The following CEMIP variants were observed in gnomAD, a reference collection of about 807,000 sequenced individuals.
CEMIP encodes cell migration-inducing and hyaluronan-binding protein.
In CEMIP, 105 loss-of-function variants were observed where a neutral mutation model predicts 156.9. The ratio of observed to expected loss-of-function variants is 0.67; its 90% CI spans 0.57 to 0.79. The LOEUF (loss-of-function observed/expected upper bound fraction) is 0.79, where lower values mean the gene tolerates loss of function less well. Ranked by LOEUF, CEMIP falls within the 30% of genes least tolerant of loss-of-function variation. The pLI is 0.00. For synonymous variants in CEMIP, 676 were observed against 668.4 expected (o/e 1.01, Z -0.17); for missense variants, 1,457 against 1,769.4 (o/e 0.82, Z 3.17).
intron 25 of CEMIP, among the ~76,000 whole-genome samples, chr15:80,940,166 T>C (rs1901285246): frequency 6.6e-6 from 1 of 152,228 alleles, no homozygotes; most frequent in Admixed American, 6.5e-5. Flanking sequence ...AGCCAGGATT[T>C]GAGCACTGGG....
chr15:80,900,255 T>A (rs1899419034), intron 12 of CEMIP, among the ~76,000 whole-genome samples: 1 of 152,304 alleles, frequency 6.6e-6, no homozygotes, highest in Non-Finnish European at 1.5e-5. Context: ...GCAGGAGAGC[T>A]GCTCTTCTTG....
chr15:80,930,522 G>T (rs554421808), intron 21 of CEMIP, among the ~76,000 whole-genome samples: 1 of 152,314 alleles, frequency 6.6e-6, no homozygotes, highest in African/African-American at 2.4e-5. Context: ...GGTCTGAAGT[G>T]CAAAACCTAA....
chr15:80,933,015 G>C (rs1193990626), intron 22 of CEMIP, among the ~76,000 whole-genome samples: 2 of 152,196 alleles, frequency 1.3e-5, no homozygotes, highest in Admixed American at 6.5e-5. Context: ...CCAGTGAGCA[G>C]AGGCCAAAAG....
At chr15:80,872,193 G>A (rs1420443366) in intron 1 of CEMIP, among the ~76,000 whole-genome samples, 1 of 152,224 alleles carries the variant, frequency 6.6e-6, no homozygotes, top group African/African-American at 2.4e-5. Context: ...AGGAGCCTGG[G>A]CCGGGTGAGA....
intron 1 of CEMIP, among the ~76,000 whole-genome samples, chr15:80,806,231 T>A (rs1318639381): frequency 6.6e-6 from 1 of 152,232 alleles, no homozygotes; most frequent in East Asian, 1.9e-4. Flanking sequence ...ACTTTCGAGG[T>A]GCCTAGGTAT....
chr15:80,873,609 T>G lies in CEMIP; in HGVS notation c.-104T>G. The G allele has an allele frequency of 2.1e-6, 1 of 477,930 alleles. No homozygotes were observed. The highest frequency in any genetic ancestry group is 3.9e-6 in the Non-Finnish European group (1 of 259,610). The allele number at this position is 477,930 out of a possible 1,614,324, so 29.6% of individuals were successfully genotyped here. On this transcript the variant is annotated 5_prime_UTR_variant, in exon 2 of 30. It removes the in-frame stop codon of an upstream open reading frame in the 5' UTR. Transcript: ENST00000394685. ...GAAATTCCACCCATCACTCGGTCTC[T>G]GAGCTGCAGGACACAGGCAGGACAA...
At chr15:80,935,585 G>A (rs964779271) in intron 23 of CEMIP, among the ~76,000 whole-genome samples, 5 of 152,116 alleles carry the variant, frequency 3.3e-5, no homozygotes, top group Admixed American at 6.5e-5. Flanking sequence ...TCTTATATGC[G>A]ATAAAACTAG....
chr15:80,912,094 G>A (rs1900089352), intron 14 of CEMIP, among the ~76,000 whole-genome samples: 1 of 135,308 alleles, frequency 7.4e-6, no homozygotes, highest in Non-Finnish European at 1.6e-5. Context: ...GAGAGGCTGG[G>A]AGAGCTGGGA....
At chr15:80,800,508 T>G (rs944704854) in intron 1 of CEMIP, among the ~76,000 whole-genome samples, 16 of 152,222 alleles carry the variant, frequency 1.1e-4, no homozygotes, top group African/African-American at 3.9e-4. Context: ...CAACTACTTT[T>G]AAACTGTTGG....
chr15:80,871,495 C>G (rs951639950), intron 1 of CEMIP, among the ~76,000 whole-genome samples: 2 of 152,180 alleles, frequency 1.3e-5, no homozygotes, highest in Non-Finnish European at 2.9e-5. Flanking sequence ...ACTAACCTCC[C>G]CACTCGGTAC....
chr15:80,834,770 C>A (rs1897234318), intron 1 of CEMIP, among the ~76,000 whole-genome samples: 1 of 152,134 alleles, frequency 6.6e-6, no homozygotes, highest in African/African-American at 2.4e-5. Context: ...CACACAACTT[C>A]TAGAATCACC....
At chr15:80,872,568 C>G (rs999849604) in intron 1 of CEMIP, among the ~76,000 whole-genome samples, 1 of 152,186 alleles carries the variant, frequency 6.6e-6, no homozygotes, top group Non-Finnish European at 1.5e-5. Context: ...TGGTGGCTCA[C>G]GCCTGTAATC....
intron 8 of CEMIP, 39 bp downstream of exon 8, chr15:80,887,803 G>C (rs1392544827): frequency 1.3e-6 from 2 of 1,495,380 alleles, no homozygotes; most frequent in Non-Finnish European, 1.9e-6. Flanking sequence ...TCCCTCCAGT[G>C]TCTCTCTGAT....
At chr15:80,889,269 C>T (rs1208779130) in intron 9 of CEMIP, among the ~76,000 whole-genome samples, 1 of 152,186 alleles carries the variant, frequency 6.6e-6, no homozygotes, top group East Asian at 1.9e-4. Flanking sequence ...AAGTAAGAAA[C>T]TCATTAAGAG....
At chr15:80,791,254 G>A (rs973023585) in intron 1 of CEMIP, among the ~76,000 whole-genome samples, 4 of 152,176 alleles carry the variant, frequency 2.6e-5, no homozygotes, top group African/African-American at 9.7e-5. Flanking sequence ...TGATCAATTG[G>A]TGGGTGTTAG....
intron 14 of CEMIP, among the ~76,000 whole-genome samples, chr15:80,914,518 G>C (rs1363989702): frequency 6.6e-6 from 1 of 152,170 alleles, no homozygotes; most frequent in Admixed American, 6.5e-5. Context: ...CAGTCCCCAG[G>C]TGCCCCAGCC....
chr15:80,907,602 A>T (rs1159832696), intron 13 of CEMIP, among the ~76,000 whole-genome samples: 2 of 152,210 alleles, frequency 1.3e-5, no homozygotes, highest in Non-Finnish European at 2.9e-5. Context: ...TTGTAGCATT[A>T]AATTTACCTG....
At chr15:80,894,424 T>C (rs929475511) in intron 10 of CEMIP, among the ~76,000 whole-genome samples, 1 of 152,126 alleles carries the variant, frequency 6.6e-6, no homozygotes, top group Non-Finnish European at 1.5e-5. Context: ...TGAGATAATA[T>C]AGGTAAACAT....
At chr15:80,940,346 G>C (rs1294309745) in intron 25 of CEMIP, among the ~76,000 whole-genome samples, 2 of 152,196 alleles carry the variant, frequency 1.3e-5, no homozygotes, top group East Asian at 3.8e-4. Context: ...ATATATAATG[G>C]CAACAAGGAA....
Sources: allele counts gnomAD v4.1 joint callset (sites outside exome capture counted in the v4.1 genomes callset), GRCh38; gene constraint gnomAD v4.1.1; transcripts MANE v1.5; gene names NCBI Gene and HGNC (gene_info 2026-07-23, HGNC 2026-07-21).